Variants in STAG1 observed in about 807,000 individuals in gnomAD.
The protein encoded by STAG1 is cohesin subunit SA-1.
Under a neutral mutation model 170.9 loss-of-function variants are expected in STAG1, and 26 were observed. That is an observed-to-expected ratio of 0.15 (90% CI 0.11 to 0.21). The LOEUF (loss-of-function observed/expected upper bound fraction) is 0.21. Among genes scored for constraint, STAG1 ranks in the 10% least tolerant of loss-of-function variants. The pLI is 1.00. For synonymous variants in STAG1, 514 were observed against 497.7 expected (o/e 1.03, Z -0.44); for missense variants, 964 against 1,509.5 (o/e 0.64, Z 5.99).
chr3:136,716,028 G>A (rs1280859427), intron 1 of STAG1, among the ~76,000 whole-genome samples: 1 of 152,188 alleles, frequency 6.6e-6, no homozygotes, highest in African/African-American at 2.4e-5. Context: ...AACCTGGGAG[G>A]TGGAGATTGC....
Position 136,363,480 on chromosome 3 carries a change from G to T in STAG1, c.2686-13C>A. 1.7e-6 allele frequency: 2 copies of T among 1,170,408 alleles called. No homozygotes were observed. Among genetic ancestry groups the T allele is most frequent in the Non-Finnish European group, 2.4e-6 (2 of 844,350 alleles). The allele number at this position is 1,170,408 out of a possible 1,614,324, so 72.5% of individuals were successfully genotyped here. A position where few individuals can be genotyped will look rare whatever the true frequency, so the allele number is the denominator to read the frequency against. ...AGTCATTGTAATACTGTGAGGGAAAGAAAGAAAACATGGCTTTAAAATTAC... is the reference window on the plus strand; with the variant it reads ...AGTCATTGTAATACTGTGAGGGAAATAAAGAAAACATGGCTTTAAAATTAC... On this transcript the variant is annotated splice_polypyrimidine_tract_variant and intron_variant, in intron 25 of 33. Transcript: ENST00000383202.
At chr3:136,726,575 C>T (rs1467648076) in intron 1 of STAG1, among the ~76,000 whole-genome samples, 2 of 152,094 alleles carry the variant, frequency 1.3e-5, no homozygotes, top group Non-Finnish European at 2.9e-5. Flanking sequence ...AGGTGTGCGC[C>T]ACCTTGCCTA....
chr3:136,416,009 A>T (rs1186207135), intron 21 of STAG1, among the ~76,000 whole-genome samples: 1 of 147,410 alleles, frequency 6.8e-6, no homozygotes, highest in Non-Finnish European at 1.5e-5. Context: ...TTAAAGCCAT[A>T]AAACTTTTTT....
At chr3:136,614,251 T>TTA (rs939367246) in intron 3 of STAG1, among the ~76,000 whole-genome samples, 6 of 152,244 alleles carry the variant, frequency 3.9e-5, no homozygotes, top group Admixed American at 3.3e-4. Context: ...AGAACTTATA[T>TTA]TATTTAAGAT....
At chr3:136,447,954 A>G (rs1470359182) in intron 14 of STAG1, among the ~76,000 whole-genome samples, 1 of 152,072 alleles carries the variant, frequency 6.6e-6, no homozygotes, top group African/African-American at 2.4e-5. Context: ...GAGTCATACT[A>G]CCTCTAGGGA....
intron 23 of STAG1, among the ~76,000 whole-genome samples, chr3:136,376,694 A>G (rs1937620360): frequency 6.6e-6 from 1 of 152,184 alleles, no homozygotes; most frequent in South Asian, 2.1e-4. Flanking sequence ...TGCATGTGTG[A>G]GAAACTTAAC....
In STAG1 at chr3:136,542,134, A is replaced by C; in HGVS notation, c.456T>G (p.Thr152=). Reference sequence around the variant, plus strand: ...AATGCTATACCTCATCAAATTCTTCAGTCATTTTTCTGATGATTTCTGCAT... The same window carrying C: ...AATGCTATACCTCATCAAATTCTTCCGTCATTTTTCTGATGATTTCTGCAT... ...MQNAEIIRKM[T]EEFDEDSGDY... is the part of the protein sequence containing the mutation. The change falls in exon 6 of 34, where the codon ACT becomes ACG. Residue 152 remains threonine (T), a synonymous_variant. Coordinates refer to ENST00000383202, the MANE Select transcript of STAG1 (RefSeq NM_005862.3). 1 of 1,610,080 alleles carries C rather than the reference A, an allele frequency of 6.2e-7. No individual in the cohort carries two copies. The highest frequency in any genetic ancestry group is 1.1e-5 in the South Asian group (1 of 91,026).
chr3:136,448,387 T>C (rs1264613952), intron 14 of STAG1, among the ~76,000 whole-genome samples: 1 of 152,084 alleles, frequency 6.6e-6, no homozygotes, highest in East Asian at 1.9e-4. Flanking sequence ...CGCCTCACAA[T>C]CATGGCAGAA....
intron 1 of STAG1, among the ~76,000 whole-genome samples, chr3:136,679,378 G>A (rs1223059369): frequency 6.6e-6 from 1 of 151,886 alleles, no homozygotes; most frequent in East Asian, 1.9e-4. Context: ...TCAGGAGTTC[G>A]AGACCAGCCT....
chr3:136,678,850 C>CAA lies in STAG1; in HGVS notation c.-83-47871_-83-47870dup, dbSNP rs559610524. On this transcript the variant is annotated intron_variant, in intron 1 of 33. Coordinates refer to ENST00000383202, the MANE Select transcript of STAG1 (RefSeq NM_005862.3). ...CAACATAGCAAGACCCCCATGCTCACAAAAAAAAAAAAAAAAGAAAAAGAA... is the reference window on the plus strand; with the variant it reads ...CAACATAGCAAGACCCCCATGCTCACAAAAAAAAAAAAAAAAAAGAAAAAGAA... Among the ~76,000 whole-genome samples, 153 of 35,022 alleles carry CAA rather than the reference C, an allele frequency of 4.4e-3. 1 individual carries two copies. The highest frequency in any genetic ancestry group is 0.011 in the African/African-American group (113 of 9,836). 23.0% of individuals were successfully genotyped at this position (35,022 alleles called of 152,430 possible).
rs542298414 is a variant in STAG1 at position 136,598,804 on chromosome 3, C to T, written c.297+5505G>A. Among the ~76,000 whole-genome samples, 345 of 152,262 alleles carry T rather than the reference C, an allele frequency of 2.3e-3. 3 individuals are homozygous for T. The highest frequency in any genetic ancestry group is 8.2e-3 in the African/African-American group (340 of 41,542). On this transcript the variant is annotated intron_variant, in intron 4 of 33. Transcript: ENST00000383202. ...CAATTTACCAGGAGAATTTATTTTA[C>T]TGTGTATTTCAACATTAACTGCATT...
chr3:136,522,814 C>T (rs780696442), intron 6 of STAG1, among the ~76,000 whole-genome samples: 4 of 150,508 alleles, frequency 2.7e-5, no homozygotes, highest in Non-Finnish European at 1.5e-5. Flanking sequence ...TGAGAACATG[C>T]AGTGTTTGGT....
At chr3:136,434,282 T>C (rs1354587774) in intron 15 of STAG1, among the ~76,000 whole-genome samples, 2 of 152,124 alleles carry the variant, frequency 1.3e-5, no homozygotes, top group Non-Finnish European at 2.9e-5. Context: ...ATCATAAGAT[T>C]ATTTATTATA....
At chr3:136,624,949 A>G (rs1466550840) in intron 2 of STAG1, among the ~76,000 whole-genome samples, 1 of 152,202 alleles carries the variant, frequency 6.6e-6, no homozygotes, top group East Asian at 1.9e-4. Context: ...AGTATTTACT[A>G]TTTTTATTTT....
chr3:136,721,541 G>A (rs1475281466), intron 1 of STAG1: 1 of 152,192 alleles, frequency 6.6e-6, no homozygotes. Context: ...ATTGCTTACA[G>A]ATCAGAAGGG....
Position 136,642,264 on chromosome 3 carries a change from C to CTTT in STAG1, c.-83-11286_-83-11284dup, listed in dbSNP as rs10592920. ...ACGTACTGTGTAACAGACAGAATTT[C>CTTT]TTTTTTTTTTTTTTTTTTTTTTTTT... On this transcript the variant is annotated intron_variant, in intron 1 of 33. Coordinates refer to ENST00000383202, the MANE Select transcript of STAG1 (RefSeq NM_005862.3). 1.2e-3 allele frequency among the ~76,000 whole-genome samples: 102 copies of CTTT among 84,936 alleles called. 5 individuals are homozygous for CTTT. Among genetic ancestry groups the CTTT allele is most frequent in the African/African-American group, 3.6e-3 (86 of 23,970 alleles). 55.7% of individuals were successfully genotyped at this position (84,936 alleles called of 152,430 possible).
chr3:136,343,208 CAAT>C (rs757943134), intron 30 of STAG1, among the ~76,000 whole-genome samples: 9 of 152,112 alleles, frequency 5.9e-5, no homozygotes, highest in African/African-American at 1.4e-4. Context: ...TGGAAAACAA[CAAT>C]AAGATTTTTA....
intron 28 of STAG1, among the ~76,000 whole-genome samples, chr3:136,351,323 C>CT (rs766797546): frequency 5.3e-5 from 8 of 152,082 alleles, no homozygotes; most frequent in Non-Finnish European, 1.0e-4. Flanking sequence ...TACTGATCTG[C>CT]TTAAGTAATT....
At chr3:136,750,268 A>C (rs554470524) in intron 1 of STAG1, among the ~76,000 whole-genome samples, 1 of 152,180 alleles carries the variant, frequency 6.6e-6, no homozygotes, top group Admixed American at 6.6e-5. Flanking sequence ...CTCCTGCCTC[A>C]CTACAGAGTA....
Sources: allele counts gnomAD v4.1 joint callset (sites outside exome capture counted in the v4.1 genomes callset), GRCh38; gene constraint gnomAD v4.1.1; transcripts MANE v1.5; gene names NCBI Gene and HGNC (gene_info 2026-07-23, HGNC 2026-07-21).